Variants in SLC24A4 observed in about 807,000 individuals in gnomAD.
The protein encoded by SLC24A4 is sodium/potassium/calcium exchanger 4.
SLC24A4 carries 53 observed loss-of-function variants against 79.0 expected under a neutral mutation model. That is an observed-to-expected ratio of 0.67 (90% CI 0.54 to 0.84). SLC24A4 has a LOEUF of 0.84. Ranked by LOEUF, SLC24A4 falls within the 40% of genes least tolerant of loss-of-function variation. The probability of loss-of-function intolerance (pLI) is 0.00; values close to 1 mark genes in which losing one functional copy is unlikely to be tolerated. For missense variants in SLC24A4, 731 were observed against 822.0 expected (o/e 0.89, Z 1.35); for synonymous variants, 323 against 323.8 (o/e 1.00, Z 0.03).
intron 2 of SLC24A4, among the ~76,000 whole-genome samples, chr14:92,395,518 G>C (rs940022211): frequency 6.6e-6 from 1 of 151,796 alleles, no homozygotes; most frequent in African/African-American, 2.4e-5. Context: ...TGTACCTAAG[G>C]CTAGCTCCAA....
intron 2 of SLC24A4, among the ~76,000 whole-genome samples, chr14:92,327,262 G>A (rs1216215280): frequency 6.6e-6 from 1 of 152,172 alleles, no homozygotes; most frequent in Non-Finnish European, 1.5e-5. Context: ...GGACGTGGTG[G>A]TGGACAAGCT....
intron 13 of SLC24A4, among the ~76,000 whole-genome samples, chr14:92,485,160 G>T (rs1895282152): frequency 6.6e-6 from 1 of 152,170 alleles, no homozygotes; most frequent in Non-Finnish European, 1.5e-5. Flanking sequence ...TTTGGAATTA[G>T]TTACTATCTA....
intron 2 of SLC24A4, among the ~76,000 whole-genome samples, chr14:92,395,982 CACT>C (rs1889751334): frequency 1.3e-5 from 2 of 152,144 alleles, no homozygotes; most frequent in African/African-American, 4.8e-5. Flanking sequence ...GGTGCCACCA[CACT>C]CAGCTAATTT....
intron 2 of SLC24A4, among the ~76,000 whole-genome samples, chr14:92,405,764 G>A (rs1268744107): frequency 6.6e-6 from 1 of 152,092 alleles, no homozygotes; most frequent in African/African-American, 2.4e-5. Context: ...CCTCCATGAT[G>A]TAATCACCTC....
At chr14:92,408,800 A>G (rs1202908743) in intron 2 of SLC24A4, among the ~76,000 whole-genome samples, 21 of 152,314 alleles carry the variant, frequency 1.4e-4, no homozygotes, top group Non-Finnish European at 1.5e-5. Context: ...TGTTCCCCCA[A>G]CAGGAAGTTT....
At chr14:92,457,302 GAA>G (rs368262643) in intron 12 of SLC24A4, 118,291 of 153,320 alleles carry the variant, frequency 0.77, 46,190 homozygotes, top group African/African-American at 0.88. Context: ...GTCATTCCTA[GAA>G]CTGCGCACCT....
Position 92,357,622 on chromosome 14 carries a change from A to T in SLC24A4, c.241+31644A>T, listed in dbSNP as rs376368737. 5.3e-5 allele frequency among the ~76,000 whole-genome samples: 8 copies of T among 152,358 alleles called. No homozygotes were observed. In the East Asian group the frequency reaches 1.4e-3, roughly 26 times the overall value. ...GGACAAATAGTGTATGACTCCACTG[A>T]TATGAGGTACCTAGAGCAGTCAAAT... On this transcript the variant is annotated intron_variant, in intron 2 of 16. Coordinates refer to ENST00000532405, the MANE Select transcript of SLC24A4 (RefSeq NM_153646.4).
rs555738249 is a variant in SLC24A4, at chr14:92,382,849, C to G, written c.242-51063C>G. Among the ~76,000 whole-genome samples, 4 of 152,354 alleles carry G rather than the reference C, an allele frequency of 2.6e-5. No homozygotes were observed. In the South Asian group the frequency reaches 8.3e-4, roughly 32 times the overall value. On this transcript the variant is annotated intron_variant, in intron 2 of 16. Transcript: ENST00000532405. Reference sequence around the variant, plus strand: ...CAGGTGCTGCCCTGGGCACCCTGCCCTCCAGTGGCAGGCACAGGAATGCAG... The same window carrying G: ...CAGGTGCTGCCCTGGGCACCCTGCCGTCCAGTGGCAGGCACAGGAATGCAG...
Position 92,475,583 on chromosome 14 carries a change from G to T in SLC24A4, c.1256-7097G>T, listed in dbSNP as rs142263665. ...GGTTAACGGCTTTTCAGAAGAGTCA[G>T]AACACTGGGGAGGCTGAAGAGAGGC... On this transcript the variant is annotated intron_variant, in intron 12 of 16. Transcript: ENST00000532405. Among the ~76,000 whole-genome samples, 160 of 152,322 alleles carry T rather than the reference G, an allele frequency of 1.1e-3. 2 individuals carry two copies. The highest frequency in any genetic ancestry group is 1.9e-3 in the Non-Finnish European group (127 of 68,018).
chr14:92,493,847 T>TG lies in SLC24A4; in HGVS notation c.*224dup. 1 of 585,964 alleles carries TG rather than the reference T, an allele frequency of 1.7e-6. No individual in the cohort carries two copies. The highest frequency in any genetic ancestry group is 3.0e-6 in the Non-Finnish European group (1 of 336,438). The allele number at this position is 585,964 out of a possible 1,614,324, so 36.3% of individuals were successfully genotyped here. On this transcript the variant is annotated 3_prime_UTR_variant, in exon 17 of 17. Transcript: ENST00000532405. ...AGTTCCGCCCCTGCAAGGCTGGATT[T>TG]GGGGGCCATTATCTGAGCAGCTTCA... is the stretch of plus-strand genomic sequence containing the variant.
At position 92,456,579 on chromosome 14, in the gene SLC24A4, C is replaced by G; in HGVS notation, c.1226C>G (p.Ala409Gly). Residue 409 changes from alanine to glycine, a missense_variant, in exon 12 of 17, where the codon GCT (alanine) becomes GGT (glycine). Physicochemically the swap from Ala to Gly is moderately conservative, Grantham distance 60. Transcript: ENST00000532405. ...PPPPEPEPVE[A>G]DFLSPFSVPE... ...CCGCCAGAGCCAGAGCCGGTGGAGG[C>G]TGACTTCCTGTCCCCCTTCTCCGTG... is the stretch of plus-strand genomic sequence containing the variant. 1 of 1,613,884 alleles carries G rather than the reference C, an allele frequency of 6.2e-7. No individual in the cohort carries two copies. Among genetic ancestry groups the G allele is most frequent in the Non-Finnish European group, 8.5e-7 (1 of 1,179,922 alleles).
At chr14:92,370,565 A>T (rs1217100772) in intron 2 of SLC24A4, among the ~76,000 whole-genome samples, 3 of 151,234 alleles carry the variant, frequency 2.0e-5, no homozygotes, top group African/African-American at 7.4e-5. Context: ...TAAATTAAAC[A>T]TGCTTTTATT....
chr14:92,344,109 A>G (rs1325115626), intron 2 of SLC24A4, among the ~76,000 whole-genome samples: 1 of 152,258 alleles, frequency 6.6e-6, no homozygotes, highest in Non-Finnish European at 1.5e-5. Context: ...TATTCAATCC[A>G]TTGACTTCAG....
chr14:92,364,899 C>T (rs1054829603), intron 2 of SLC24A4, among the ~76,000 whole-genome samples: 3 of 152,196 alleles, frequency 2.0e-5, no homozygotes, highest in African/African-American at 7.2e-5. Flanking sequence ...ACTTGCCCTC[C>T]TCCCTGCACC....
chr14:92,492,724 T>G (rs1595368158), intron 16 of SLC24A4: 1 of 397,558 alleles, frequency 2.5e-6, no homozygotes, highest in Non-Finnish European at 5.1e-6. Context: ...AAATCGGGGC[T>G]CAGGGGTTAA....
At chr14:92,416,279 G>A (rs946828040) in intron 2 of SLC24A4, among the ~76,000 whole-genome samples, 3 of 152,038 alleles carry the variant, frequency 2.0e-5, no homozygotes, top group Non-Finnish European at 2.9e-5. Flanking sequence ...GCAGAGATGC[G>A]TTTCTCTGTG....
chr14:92,363,824 G>A (rs565096583), intron 2 of SLC24A4, among the ~76,000 whole-genome samples: 4 of 149,074 alleles, frequency 2.7e-5, no homozygotes, highest in African/African-American at 7.5e-5. Flanking sequence ...GTGAGACTCC[G>A]TCTAAAAAAA....
intron 10 of SLC24A4, chr14:92,450,772 G>A (rs1479800922): frequency 1.3e-5 from 2 of 152,598 alleles, no homozygotes; most frequent in East Asian, 3.8e-4. Flanking sequence ...TGTGTGCTGA[G>A]TCACTCAGGC....
At chr14:92,395,864 C>T (rs113132297) in intron 2 of SLC24A4, among the ~76,000 whole-genome samples, 4 of 152,210 alleles carry the variant, frequency 2.6e-5, no homozygotes, top group Admixed American at 1.3e-4. Flanking sequence ...CTTGCTTTGT[C>T]GCCCAGGCTG....
Sources: allele counts gnomAD v4.1 joint callset (sites outside exome capture counted in the v4.1 genomes callset), GRCh38; gene constraint gnomAD v4.1.1; transcripts MANE v1.5; gene names NCBI Gene and HGNC (gene_info 2026-07-23, HGNC 2026-07-21).